Variants in JPH2 observed in about 807,000 individuals in gnomAD.
JPH2 encodes the protein junctophilin 2.
A neutral mutation model predicts 55.9 loss-of-function variants in JPH2; 38 were observed. That is an observed-to-expected ratio of 0.68 (90% CI 0.52 to 0.89). The LOEUF (loss-of-function observed/expected upper bound fraction) is 0.89, where lower values mean the gene tolerates loss of function less well. Among genes scored for constraint, JPH2 ranks in the 40% least tolerant of loss-of-function variants. The pLI is 0.00. For synonymous variants in JPH2, 480 were observed against 472.4 expected, an observed-to-expected ratio of 1.02 and a Z score of -0.21; for missense variants, 964 against 1,037.6, an observed-to-expected ratio of 0.93 and a Z score of 0.97.
chr20:44,146,803 T>C (rs551846222), intron 2 of JPH2, among the ~76,000 whole-genome samples: 61 of 152,338 alleles, frequency 4.0e-4, no homozygotes, highest in African/African-American at 1.4e-3. Context: ...TGCAAAAGAC[T>C]GATAGCACAT....
chr20:44,172,109 C>T (rs1325029935), intron 1 of JPH2, among the ~76,000 whole-genome samples: 1 of 152,172 alleles, frequency 6.6e-6, no homozygotes, highest in African/African-American at 2.4e-5. Flanking sequence ...CTCGGGCTCT[C>T]AACAAAGGTT....
chr20:44,160,078 T>C lies in JPH2; in HGVS notation c.709A>G (p.Thr237Ala), dbSNP rs1197031183. 7 of 1,533,178 alleles carry C rather than the reference T, an allele frequency of 4.6e-6. No homozygotes were observed. The East Asian group carries it at 1.7e-4, about 38-fold the overall frequency. The allele number at this position is 1,533,178 out of a possible 1,614,324, so 95.0% of individuals were successfully genotyped here. A position where few individuals can be genotyped will look rare whatever the true frequency, so the allele number is the denominator to read the frequency against. Residue 237 changes from threonine to alanine, a missense_variant, in exon 2 of 6, where the codon ACG becomes GCG. Coordinates refer to ENST00000372980, the MANE Select transcript of JPH2 (RefSeq NM_020433.5). This position sits in a 1 kb window ranked among gnomAD's most constrained non-coding sequence, Gnocchi z 4.9. ...CGGCTGCGCTGGCTACCCACGGACG[T>C]GCGCGACTCTGCGCGCCGCAGCTTG... ...LGKLRRAESR[T>A]SVGSQRSRVS...
chr20:44,120,773 T>C (rs2072229939), intron 2 of JPH2, among the ~76,000 whole-genome samples: 2 of 152,244 alleles, frequency 1.3e-5, no homozygotes, highest in East Asian at 1.9e-4. Context: ...TCCCATAACA[T>C]TTTAATAGAG....
intron 2 of JPH2, among the ~76,000 whole-genome samples, chr20:44,148,554 G>A (rs546111342): frequency 2.0e-5 from 3 of 152,314 alleles, no homozygotes; most frequent in African/African-American, 7.2e-5. Flanking sequence ...TGCTGACAAC[G>A]TCCTGGATGC....
chr20:44,170,428 C>G (rs2072688818), intron 1 of JPH2, among the ~76,000 whole-genome samples: 2 of 152,204 alleles, frequency 1.3e-5, no homozygotes, highest in South Asian at 4.1e-4. Flanking sequence ...TTGGGTGGCC[C>G]ATAGAAGTGT....
chr20:44,132,005 G>C (rs185025572), intron 2 of JPH2, among the ~76,000 whole-genome samples: 76 of 152,252 alleles, frequency 5.0e-4, no homozygotes, highest in African/African-American at 1.7e-3. Context: ...TCTCTGATTA[G>C]CCTGTGAGCT....
At chr20:44,176,939 C>A in intron 1 of JPH2, 1 of 985,490 alleles carries the variant, frequency 1.0e-6, no homozygotes, top group East Asian at 1.1e-4. Flanking sequence ...TCCAGCTCTA[C>A]CCCATCCACA....
chr20:44,162,745 CATAT>C (rs1157323951), intron 1 of JPH2, among the ~76,000 whole-genome samples: 1,072 of 52,302 alleles, frequency 0.02, 13 homozygotes, highest in East Asian at 0.037. Context: ...AATAAACTTC[CATAT>C]ATATATATAT....
At position 44,160,019 on chromosome 20, in the gene JPH2, G is replaced by A. The variant is rs1249414873; in HGVS notation, c.768C>T (p.Gly256=). ...TGGCGGTGGACGCGGCGTCGCTGGC[G>A]CCCGAGCTGAGGTCGCTCTTAAGGA... ...VSFLKSDLSS[G]ASDAASTASL... The change falls in exon 2 of 6, where the codon GGC becomes GGT. Residue 256 remains glycine, a synonymous_variant. Coordinates refer to ENST00000372980, the MANE Select transcript of JPH2 (RefSeq NM_020433.5). This position sits in a 1 kb window ranked among gnomAD's most constrained non-coding sequence, Gnocchi z 4.9. 1 of 1,568,238 alleles carries A rather than the reference G, an allele frequency of 6.4e-7. No individual in the cohort carries two copies. The highest frequency in any genetic ancestry group is 2.3e-5 in the East Asian group (1 of 42,734).
At position 44,159,735 on chromosome 20, in the gene JPH2, T is replaced by G; in HGVS notation, c.1052A>C (p.Lys351Thr). The change falls in exon 2 of 6, where the codon AAG becomes ACG. Residue 351 changes from lysine to threonine, a missense_variant. Lys to Thr is a moderately conservative substitution (Grantham distance 78). Transcript: ENST00000372980. This position sits in a 1 kb window ranked among gnomAD's most constrained non-coding sequence, Gnocchi z 5.7. ...GCTCTTGAGCTGCAGCATGCGGCGCTTGGTGTCCTTGACCAGCACGTTGTG... is the reference window on the plus strand; with the variant it reads ...GCTCTTGAGCTGCAGCATGCGGCGCGTGGTGTCCTTGACCAGCACGTTGTG... ...YRHNVLVKDT[K>T]RRMLQLKSNK... The G allele has an allele frequency of 6.2e-7, 1 of 1,613,748 alleles. No individual in the cohort carries two copies. The highest frequency in any genetic ancestry group is 8.5e-7 in the Non-Finnish European group (1 of 1,179,958).
In JPH2 at chr20:44,118,581, G is replaced by T; in HGVS notation, c.1212C>A (p.Ala404=). The stretch of plus-strand genomic sequence containing the variant: ...TGGACTCCTGGTTGGCAGCCAGGGC[G>T]GCCTGTTCCGCTGCCTCAGCTTTGG... ...AKAKAEAAEQ[A]ALAANQESNI... Residue 404 remains alanine (A), a synonymous_variant, in exon 3 of 6, where the codon GCC becomes GCA. Transcript: ENST00000372980. The T allele has an allele frequency of 6.2e-7, 1 of 1,612,502 alleles. No homozygotes were observed.
At chr20:44,182,260 C>CTT (rs2072790719) in intron 1 of JPH2, among the ~76,000 whole-genome samples, 1 of 152,152 alleles carries the variant, frequency 6.6e-6, no homozygotes, top group Non-Finnish European at 1.5e-5. Flanking sequence ...CTTAACAAAC[C>CTT]CTCAGGGGAC....
At chr20:44,165,984 C>A (rs1003719689) in intron 1 of JPH2, among the ~76,000 whole-genome samples, 12 of 152,138 alleles carry the variant, frequency 7.9e-5, no homozygotes, top group African/African-American at 2.9e-4. Context: ...TATTGACCAT[C>A]CCCCCTCACT....
intron 2 of JPH2, among the ~76,000 whole-genome samples, chr20:44,120,313 C>A (rs182994892): frequency 6.6e-6 from 1 of 152,264 alleles, no homozygotes; most frequent in East Asian, 1.9e-4. Flanking sequence ...TTGCACGTGA[C>A]AGGAGCAAAT....
At chr20:44,118,678 G>GCCCCTTCTC (rs2072212510) in intron 2 of JPH2, 55 bp from the exon 3 acceptor site, 8 of 1,389,794 alleles carry the variant, frequency 5.8e-6, no homozygotes, top group Middle Eastern at 1.8e-4. Context: ...CCAGCCTTCT[G>GCCCCTTCTC]CCCCTTCTCC....
intron 2 of JPH2, among the ~76,000 whole-genome samples, chr20:44,152,964 A>G (rs538605407): frequency 9.9e-5 from 15 of 152,248 alleles, no homozygotes; most frequent in Non-Finnish European, 1.2e-4. Flanking sequence ...TCGCATTTTC[A>G]ATAGTGATTA....
intron 2 of JPH2, among the ~76,000 whole-genome samples, chr20:44,156,306 A>G (rs2072566091): frequency 6.6e-6 from 1 of 152,218 alleles, no homozygotes; most frequent in Non-Finnish European, 1.5e-5. Flanking sequence ...GAGTGTATGG[A>G]AACTCTTTGT....
intron 2 of JPH2, among the ~76,000 whole-genome samples, chr20:44,147,457 G>T (rs763713684): frequency 2.6e-5 from 4 of 152,168 alleles, no homozygotes; most frequent in Admixed American, 6.5e-5. Flanking sequence ...AACATAAAAA[G>T]ATCTCAAAAC....
At chr20:44,162,336 T>G (rs1306441163) in intron 1 of JPH2, among the ~76,000 whole-genome samples, 2 of 152,164 alleles carry the variant, frequency 1.3e-5, no homozygotes, top group Non-Finnish European at 2.9e-5. Context: ...AAGTCTTTGC[T>G]CAATGAGACC....
Sources: allele counts gnomAD v4.1 joint callset (sites outside exome capture counted in the v4.1 genomes callset), GRCh38; gene constraint gnomAD v4.1.1; non-coding constraint Gnocchi (gnomAD v3.1); transcripts MANE v1.5; gene names NCBI Gene and HGNC (gene_info 2026-07-23, HGNC 2026-07-21).